Variants in MAGI2 observed in about 807,000 individuals in gnomAD.
MAGI2 encodes the protein membrane-associated guanylate kinase, WW and PDZ domain-containing protein 2.
MAGI2 carries 35 observed loss-of-function variants against 133.3 expected under a neutral mutation model. That is an observed-to-expected ratio of 0.26 (90% CI 0.20 to 0.35). The LOEUF is 0.35. Ranked by LOEUF, MAGI2 falls within the 10% of genes least tolerant of loss-of-function variation. MAGI2 has a pLI of 1.00. For missense variants in MAGI2, 1,636 were observed against 1,863.4 expected, an observed-to-expected ratio of 0.88 and a Z score of 2.25; for synonymous variants, 729 against 710.6, an observed-to-expected ratio of 1.03 and a Z score of -0.41.
intron 9 of MAGI2, among the ~76,000 whole-genome samples, chr7:78,271,165 T>C (rs1370436817): frequency 6.6e-6 from 1 of 152,016 alleles, no homozygotes. Context: ...TTATTGAGAG[T>C]TTTTAGCATG....
intron 1 of MAGI2, among the ~76,000 whole-genome samples, chr7:79,337,386 C>G (rs1184652968): frequency 6.6e-6 from 1 of 152,188 alleles, no homozygotes; most frequent in African/African-American, 2.4e-5. Flanking sequence ...CCCTGCCAGG[C>G]ACAGACTACC....
At chr7:79,015,644 T>C (rs7779315) in intron 1 of MAGI2, among the ~76,000 whole-genome samples, 102,021 of 151,442 alleles carry the variant, frequency 0.67, 34,511 homozygotes, top group Non-Finnish European at 0.7. Flanking sequence ...ACAAGACTGA[T>C]TTCAAATGCG....
At chr7:78,459,060 G>C (rs1789677512) in intron 6 of MAGI2, among the ~76,000 whole-genome samples, 1 of 152,174 alleles carries the variant, frequency 6.6e-6, no homozygotes, top group Non-Finnish European at 1.5e-5. Context: ...AGCATTCAAA[G>C]TACATTTGCA....
chr7:79,171,770 A>ATATATATATATAT, intron 1 of MAGI2, among the ~76,000 whole-genome samples: 4 of 31,224 alleles, frequency 1.3e-4, no homozygotes, highest in African/African-American at 2.6e-4. Context: ...ATATATATAT[A>ATATATATATATAT]TTTTTTTTTT....
intron 6 of MAGI2, among the ~76,000 whole-genome samples, chr7:78,463,234 C>T (rs554675396): frequency 4.9e-4 from 74 of 152,106 alleles, no homozygotes; most frequent in Non-Finnish European, 9.0e-4. Flanking sequence ...GGCTGTACCA[C>T]GAAAGCAGGA....
At chr7:79,027,197 C>T (rs1401219473) in intron 1 of MAGI2, among the ~76,000 whole-genome samples, 1 of 151,956 alleles carries the variant, frequency 6.6e-6, no homozygotes, top group African/African-American at 2.4e-5. Flanking sequence ...CTGGGTATTA[C>T]TCAAAGATTT....
intron 21 of MAGI2, among the ~76,000 whole-genome samples, chr7:78,033,429 T>A (rs1258808313): frequency 1.4e-5 from 2 of 141,488 alleles, no homozygotes; most frequent in African/African-American, 5.3e-5. Flanking sequence ...GCCATGATCA[T>A]GCCACTGCAC....
At chr7:78,120,006 A>T (rs1011224537) in intron 20 of MAGI2, among the ~76,000 whole-genome samples, 1 of 152,268 alleles carries the variant, frequency 6.6e-6, no homozygotes, top group Non-Finnish European at 1.5e-5. Context: ...AATGGATTAC[A>T]TCATGTTCAT....
chr7:79,405,177 T>C (rs929357538), intron 1 of MAGI2, among the ~76,000 whole-genome samples: 2 of 152,158 alleles, frequency 1.3e-5, no homozygotes, highest in African/African-American at 4.8e-5. Flanking sequence ...TCAGATATAA[T>C]TTTGCAGCTT....
rs549911146 is a variant in MAGI2, at chr7:79,128,068, G to A, written c.302-120862C>T. Among the ~76,000 whole-genome samples the A allele has an allele frequency of 2.4e-4, 36 of 152,048 alleles. 1 individual carries two copies. The highest frequency in any genetic ancestry group is 7.0e-4 in the African/African-American group (29 of 41,486). On this transcript the variant is annotated intron_variant, in intron 1 of 21. Transcript: ENST00000354212. The stretch of plus-strand genomic sequence containing the variant: ...TTATTAAATAGGGAATCCTTTCCCC[G>A]TTGCTTGTTTTTGTCAGGTTTGTCA...
intron 2 of MAGI2, among the ~76,000 whole-genome samples, chr7:78,660,633 T>C (rs1812846323): frequency 6.6e-6 from 1 of 152,160 alleles, no homozygotes; most frequent in South Asian, 2.1e-4. Flanking sequence ...GACATATTGG[T>C]GGCATTTTTA....
chr7:79,365,052 C>A (rs1260102966), intron 1 of MAGI2, among the ~76,000 whole-genome samples: 1 of 150,972 alleles, frequency 6.6e-6, no homozygotes, highest in African/African-American at 2.4e-5. Flanking sequence ...CATTGGGAAA[C>A]AATCTAATTA....
In MAGI2 at chr7:79,220,884, G is replaced by T. The variant is rs1446168673; in HGVS notation, c.302-213678C>A. ...TGCTTTCCTTCTAAGAGTCACCTGA[G>T]AAAAAAGACTCACCTGAAGAGATCT... On this transcript the variant is annotated intron_variant, in intron 1 of 21. Transcript: ENST00000354212. Among the ~76,000 whole-genome samples, 3 of 151,972 alleles carry T rather than the reference G, an allele frequency of 2.0e-5. 1 individual carries two copies. Among genetic ancestry groups the T allele is most frequent in the African/African-American group, 7.3e-5 (3 of 41,274 alleles).
intron 15 of MAGI2, among the ~76,000 whole-genome samples, chr7:78,162,810 C>T (rs776876036): frequency 6.6e-6 from 1 of 152,120 alleles, no homozygotes; most frequent in Non-Finnish European, 1.5e-5. Flanking sequence ...TGGGCTTGTT[C>T]TGGGCCCTTG....
intron 1 of MAGI2, among the ~76,000 whole-genome samples, chr7:79,366,258 CAAAG>C (rs928314553): frequency 4.1e-4 from 63 of 152,040 alleles, no homozygotes; most frequent in African/African-American, 1.3e-3. Context: ...AACAAACAAA[CAAAG>C]AAAAATATAT....
At chr7:78,256,801 C>G (rs907931628) in intron 9 of MAGI2, among the ~76,000 whole-genome samples, 3 of 152,108 alleles carry the variant, frequency 2.0e-5, no homozygotes, top group Non-Finnish European at 4.4e-5. Context: ...TTTGGTTATT[C>G]TTGAAGTTCA....
intron 2 of MAGI2, among the ~76,000 whole-genome samples, chr7:78,973,231 A>T (rs1010933056): frequency 6.6e-6 from 1 of 151,836 alleles, no homozygotes; most frequent in African/African-American, 2.4e-5. Flanking sequence ...ACACAATTAG[A>T]TTTTCCATGA....
intron 2 of MAGI2, among the ~76,000 whole-genome samples, chr7:78,678,091 G>A (rs950923390): frequency 5.3e-5 from 8 of 152,152 alleles, no homozygotes; most frequent in Non-Finnish European, 1.2e-4. Flanking sequence ...ATCAGAGAGA[G>A]AATGCTTTTT....
chr7:79,326,210 A>G (rs13222304), intron 1 of MAGI2, among the ~76,000 whole-genome samples: 2 of 232 alleles, frequency 8.6e-3, no homozygotes, highest in Non-Finnish European at 0.024. Flanking sequence ...AAAGAACAAA[A>G]AACTATGGAT....
Sources: gnomAD v4.1 joint callset for allele counts (sites outside exome capture counted in the v4.1 genomes callset) on GRCh38, gnomAD v4.1.1 for gene constraint, MANE v1.5 for transcripts, NCBI Gene and HGNC (gene_info 2026-07-23, HGNC 2026-07-21) for gene names.